The following HMCN2 variants were observed in gnomAD, a reference collection of about 807,000 sequenced individuals.
HMCN2 encodes the protein hemicentin 2.
In HMCN2, 325 loss-of-function variants were observed where a neutral mutation model predicts 377.5. That is an observed-to-expected ratio of 0.86 (90% CI 0.79 to 0.94). HMCN2 has a LOEUF of 0.94. Among genes scored for constraint, HMCN2 ranks in the 40% least tolerant of loss-of-function variants. The pLI is 0.00. For missense variants in HMCN2, 4,543 were observed against 4,725.3 expected (o/e 0.96, Z 1.13); for synonymous variants, 2,007 against 2,046.8 (o/e 0.98, Z 0.53).
intron 48 of HMCN2, 73 bp from the exon 49 acceptor site, chr9:130,374,429 G>A: frequency 1.3e-6 from 1 of 776,392 alleles, no homozygotes; most frequent in Non-Finnish European, 1.6e-6. Context: ...GATCCATCTG[G>A]GAGCAGCCTG....
In HMCN2 at chr9:130,430,511, T is replaced by TGG; in HGVS notation, c.14556_14557dup (p.Val4853GlyfsTer11). On this transcript the variant is annotated frameshift_variant, in exon 95 of 98. Coordinates refer to ENST00000683500, the MANE Select transcript of HMCN2 (RefSeq NM_001291815.2). LOFTEE classifies it high-confidence loss of function. Reference sequence around the variant, plus strand: ...GATCCCCGGTACCTCCTACCACGCCTGGGTCTCTCTCCGTCCGGGTCCCAT... The same window carrying TGG: ...GATCCCCGGTACCTCCTACCACGCCTGGGGGTCTCTCTCCGTCCGGGTCCCAT... 1 of 1,550,610 alleles carries TGG rather than the reference T, an allele frequency of 6.4e-7. No homozygotes were observed. Among genetic ancestry groups the TGG allele is most frequent in the Non-Finnish European group, 8.7e-7 (1 of 1,146,978 alleles).
At position 130,308,429 on chromosome 9, in the gene HMCN2, G is replaced by A. The variant is rs1224095633; in HGVS notation, c.2200+863G>A. Among the ~76,000 whole-genome samples, 1 of 152,220 alleles carries A rather than the reference G, an allele frequency of 6.6e-6. No homozygotes were observed. ...TCACGGTGCCTGCTGCCAGGCTGGA[G>A]TTTGACGGACGGGTGCTGGGGTCGC... On this transcript the variant is annotated intron_variant, in intron 14 of 97. Coordinates refer to ENST00000683500, the MANE Select transcript of HMCN2 (RefSeq NM_001291815.2). The surrounding 1 kb of genome is among the most constrained non-coding windows in gnomAD (Gnocchi z 4.1).
chr9:130,395,669 G>C (rs1021166804), intron 71 of HMCN2, among the ~76,000 whole-genome samples: 6 of 152,114 alleles, frequency 3.9e-5, no homozygotes, highest in Non-Finnish European at 8.8e-5. Context: ...CTCAAATGGG[G>C]TCAGTTTGCG....
chr9:130,410,948 A>G (rs1445299308), intron 85 of HMCN2, among the ~76,000 whole-genome samples: 1 of 152,208 alleles, frequency 6.6e-6, no homozygotes, highest in Non-Finnish European at 1.5e-5. Flanking sequence ...CTCGTAGTTT[A>G]CCAGGCGCTG....
rs556026241 is a variant in HMCN2, at chr9:130,393,983, G to A, written c.10476G>A (p.Arg3492=). The part of the protein sequence containing the change: ...CVAVSEAGEA[R]RHFQLTVMEP... The stretch of plus-strand genomic sequence containing the variant: ...CCGTGAGCGAGGCGGGGGAAGCCAG[G>A]AGGCATTTCCAGCTGACCGTCATGG... Residue 3492 remains arginine, a synonymous_variant, in exon 68 of 98, where the codon AGG becomes AGA. Transcript: ENST00000683500. The surrounding 1 kb of genome is among the most constrained non-coding windows in gnomAD (Gnocchi z 5.2). 3.1e-5 allele frequency: 40 copies of A among 1,274,684 alleles called. No individual in the cohort carries two copies. The highest frequency in any genetic ancestry group is 4.1e-5 in the Non-Finnish European group (40 of 982,236). 79.0% of individuals were successfully genotyped at this position (1,274,684 alleles called of 1,614,324 possible).
rs1839582044 is a variant in HMCN2 at position 130,349,521 on chromosome 9, G to C, written c.4304-16G>C. Reference sequence around the variant, plus strand: ...GTTTGAACAGTTTCCCACCCCTCACGCCTTCTCACCCCCAGCCCCTCCTTC... The same window carrying C: ...GTTTGAACAGTTTCCCACCCCTCACCCCTTCTCACCCCCAGCCCCTCCTTC... On this transcript the variant is annotated splice_polypyrimidine_tract_variant and intron_variant, in intron 28 of 97. Coordinates refer to ENST00000683500, the MANE Select transcript of HMCN2 (RefSeq NM_001291815.2). The C allele has an allele frequency of 7.7e-7, 1 of 1,301,464 alleles. No homozygotes were observed. The allele number at this position is 1,301,464 out of a possible 1,614,324, so 80.6% of individuals were successfully genotyped here.
intron 30 of HMCN2, among the ~76,000 whole-genome samples, chr9:130,352,262 G>A (rs1169361935): frequency 6.6e-6 from 1 of 152,090 alleles, no homozygotes; most frequent in Non-Finnish European, 1.5e-5. Context: ...AACCAGTTTC[G>A]CTTGGCTAAG....
intron 1 of HMCN2, among the ~76,000 whole-genome samples, chr9:130,280,805 G>T (rs917213480): frequency 4.6e-5 from 7 of 152,046 alleles, no homozygotes; most frequent in Non-Finnish European, 8.8e-5. Context: ...ATCTCTGGTT[G>T]GTAGAAATAC....
Position 130,368,397 on chromosome 9 carries a change from G to A in HMCN2, c.6747G>A (p.Val2249=). The A allele has an allele frequency of 2.0e-6, 2 of 986,180 alleles. No homozygotes were observed. Among genetic ancestry groups the A allele is most frequent in the Non-Finnish European group, 2.4e-6 (2 of 830,258 alleles). 61.1% of individuals were successfully genotyped at this position (986,180 alleles called of 1,614,324 possible). The change falls in exon 44 of 98, where the codon GTG becomes GTA. Residue 2249 remains valine, a synonymous_variant. Transcript: ENST00000683500. ...CATACACCTGTGAATGCAGCAACGT[G>A]GTGGGGAACAGCAGCCAGGACCTGC... is the stretch of plus-strand genomic sequence containing the variant. ...EGTYTCECSN[V]VGNSSQDLQL...
chr9:130,328,773 A>G (rs1838276364), intron 22 of HMCN2, among the ~76,000 whole-genome samples: 1 of 152,162 alleles, frequency 6.6e-6, no homozygotes, highest in Non-Finnish European at 1.5e-5. Context: ...CTGTTCCTCC[A>G]TCTGCAAAGT....
At chr9:130,411,617 A>AT (rs1475985876) in intron 85 of HMCN2, among the ~76,000 whole-genome samples, 1 of 151,554 alleles carries the variant, frequency 6.6e-6, no homozygotes, top group Non-Finnish European at 1.5e-5. Flanking sequence ...AAAAAAAAAA[A>AT]AGAACAAAAG....
chr9:130,343,887 T>C (rs1039339887), intron 25 of HMCN2, among the ~76,000 whole-genome samples: 4 of 152,170 alleles, frequency 2.6e-5, no homozygotes, highest in Non-Finnish European at 5.9e-5. Context: ...TCATGGGGAC[T>C]CCCTGGGCCC....
Position 130,303,228 on chromosome 9 carries a change from C to G in HMCN2, c.1421+227C>G, listed in dbSNP as rs536035114. On this transcript the variant is annotated intron_variant, in intron 9 of 97. Transcript: ENST00000683500. The surrounding 1 kb of genome is among the most constrained non-coding windows in gnomAD (Gnocchi z 5.2). ...AGCTGGTGAAGGAGCCGGGGGCCTTCCTCAGCTCCTGGAAAACTCAACCCA... is the reference window on the plus strand; with the variant it reads ...AGCTGGTGAAGGAGCCGGGGGCCTTGCTCAGCTCCTGGAAAACTCAACCCA... 6.6e-6 allele frequency among the ~76,000 whole-genome samples: 1 copy of G among 152,330 alleles called. No homozygotes were observed. Among genetic ancestry groups the G allele is most frequent in the South Asian group, 2.1e-4 (1 of 4,816 alleles).
chr9:130,317,306 G>A (rs1276391428), intron 15 of HMCN2, among the ~76,000 whole-genome samples: 3 of 152,182 alleles, frequency 2.0e-5, no homozygotes, highest in African/African-American at 7.2e-5. Context: ...CCACTTATGA[G>A]TTCATTGAGC....
chr9:130,374,129 G>A (rs1465100510), intron 48 of HMCN2, among the ~76,000 whole-genome samples: 4 of 149,640 alleles, frequency 2.7e-5, no homozygotes, highest in African/African-American at 9.8e-5. Flanking sequence ...GTGTGTGGAC[G>A]AATAGAGAGA....
At position 130,433,384 on chromosome 9, in the gene HMCN2, G is replaced by C; in HGVS notation, c.14931G>C (p.Thr4977=). ...GGCGCTGCTCGCAGGACTGCGGCAC[G>C]GGCGGCCCCTCTACGCTGCAGTACC... ...CFRRCSQDCG[T]GGPSTLQYRL... The change falls in exon 98 of 98, where the codon ACG becomes ACC. Residue 4977 remains threonine, a synonymous_variant. Transcript: ENST00000683500. The C allele has an allele frequency of 6.8e-7, 1 of 1,479,866 alleles. No homozygotes were observed. Among genetic ancestry groups the C allele is most frequent in the Non-Finnish European group, 8.9e-7 (1 of 1,122,920 alleles). 91.7% of individuals were successfully genotyped at this position (1,479,866 alleles called of 1,614,324 possible).
rs1489850478 is a variant in HMCN2, at chr9:130,321,811, A to G, written c.2800A>G (p.Ile934Val). Residue 934 changes from isoleucine to valine, a missense_variant, in exon 19 of 98, where the codon ATC becomes GTC. Transcript: ENST00000683500. Reference protein sequence around the residue: ...RPLPPGSRHSIRADGSLHLDR... With the variant: ...RPLPPGSRHSVRADGSLHLDR... The stretch of plus-strand genomic sequence containing the variant: ...GCTCCCACCTGGCAGCCGGCATTCC[A>G]TCCGAGCAGACGGCAGCCTCCACCT... 1 of 152,152 alleles carries G rather than the reference A, an allele frequency of 6.6e-6. No homozygotes were observed. Among genetic ancestry groups the G allele is most frequent in the Non-Finnish European group, 1.5e-5 (1 of 68,074 alleles). 9.4% of individuals were successfully genotyped at this position (152,152 alleles called of 1,614,324 possible). A position where few individuals can be genotyped will look rare whatever the true frequency, so the allele number is the denominator to read the frequency against.
In HMCN2 at chr9:130,369,613, C is replaced by G; in HGVS notation, c.6831C>G (p.Val2277=). 1.0e-6 allele frequency: 1 copy of G among 985,938 alleles called. No homozygotes were observed. The highest frequency in any genetic ancestry group is 1.2e-6 in the Non-Finnish European group (1 of 829,974). 61.1% of individuals were successfully genotyped at this position (985,938 alleles called of 1,614,324 possible). A position where few individuals can be genotyped will look rare whatever the true frequency, so the allele number is the denominator to read the frequency against. Residue 2277 remains valine (V), a synonymous_variant, in exon 45 of 98, where the codon GTC becomes GTG. Transcript: ENST00000683500. The surrounding 1 kb of genome is among the most constrained non-coding windows in gnomAD (Gnocchi z 4.5). ...IAGPREPPTQ[V]SVVQDGVATL... ...GTCCCCGGGAGCCTCCCACACAAGT[C>G]TCTGTGGTCCAGGATGGAGTGGCCA...
chr9:130,431,338 C>T (rs1295105928), intron 95 of HMCN2, 29 bp from the exon 96 acceptor site: 11 of 1,544,246 alleles, frequency 7.1e-6, no homozygotes, highest in Non-Finnish European at 7.0e-6. Flanking sequence ...CCCCATCCCC[C>T]ACCTGCCCCA....
Sources: allele counts gnomAD v4.1 joint callset (sites outside exome capture counted in the v4.1 genomes callset), GRCh38; gene constraint gnomAD v4.1.1; non-coding constraint Gnocchi (gnomAD v3.1); transcripts MANE v1.5; gene names NCBI Gene and HGNC (gene_info 2026-07-23, HGNC 2026-07-21).